PCDH15: variants seen among roughly 807,000 people sequenced by gnomAD.
PCDH15 encodes the protein protocadherin-15.
A neutral mutation model predicts 178.5 loss-of-function variants in PCDH15; 129 were observed. The observed-to-expected ratio is 0.72, with a 90% CI of 0.63 to 0.84. The LOEUF (loss-of-function observed/expected upper bound fraction) is 0.84. PCDH15 is among the 40% of genes least tolerant of loss of function. The pLI is 0.00. For synonymous variants in PCDH15, 800 were observed against 732.0 expected (o/e 1.09, Z -1.50); for missense variants, 2,230 against 2,099.9 (o/e 1.06, Z -1.21).
At chr10:55,235,202 G>A (rs2132203862) in intron 1 of PCDH15, among the ~76,000 whole-genome samples, 1 of 152,064 alleles carries the variant, frequency 6.6e-6, no homozygotes, top group Middle Eastern at 3.4e-3. Flanking sequence ...TTATACATGG[G>A]TAAGTCAAAC....
intron 25 of PCDH15, among the ~76,000 whole-genome samples, chr10:53,936,395 T>G (rs944932552): frequency 2.0e-5 from 3 of 152,152 alleles, no homozygotes; most frequent in Admixed American, 6.5e-5. Context: ...CCTTAAGATA[T>G]ACATATCAAA....
At chr10:54,225,899 A>G (rs1012976464) in intron 9 of PCDH15, among the ~76,000 whole-genome samples, 38 of 152,216 alleles carry the variant, frequency 2.5e-4, no homozygotes, top group African/African-American at 8.7e-4. Flanking sequence ...AGGGACAAGC[A>G]AGGAATCTTG....
At position 54,195,888 on chromosome 10, in the gene PCDH15, G is replaced by A. The variant is rs761337688; in HGVS notation, c.1100C>T (p.Ala367Val). 2.5e-6 allele frequency: 4 copies of A among 1,612,520 alleles called. No individual in the cohort carries two copies. In the South Asian group the frequency reaches 3.3e-5, roughly 13 times the overall value. Residue 367 changes from alanine (A) to valine (V), a missense_variant and splice_region_variant, in exon 11 of 38, where the codon GCT becomes GTT. Ala to Val is a moderately conservative substitution (Grantham distance 64, BLOSUM62 0). Coordinates refer to ENST00000644397, the MANE Select transcript of PCDH15 (RefSeq NM_001384140.1). ...FHQKFDLVIKAEQDNGHPLPA... is the reference protein window; with the variant it reads ...FHQKFDLVIKVEQDNGHPLPA... Reference sequence around the variant, plus strand: ...AAGAGGATGACCATTGTCTTGTTCAGCCTAAAATTGAAAAGAAAAGAAAAT... The same window carrying A: ...AAGAGGATGACCATTGTCTTGTTCAACCTAAAATTGAAAAGAAAAGAAAAT...
chr10:55,100,192 T>C (rs971284036), intron 2 of PCDH15, among the ~76,000 whole-genome samples: 13 of 152,244 alleles, frequency 8.5e-5, no homozygotes, highest in African/African-American at 3.1e-4. Flanking sequence ...TCAGAAAGTT[T>C]TATGCAAAAG....
intron 2 of PCDH15, among the ~76,000 whole-genome samples, chr10:55,597,403 C>T (rs2132138490): frequency 6.6e-6 from 1 of 152,168 alleles, no homozygotes; most frequent in South Asian, 2.1e-4. Context: ...GGTACCCTTG[C>T]CGACCCCCAG....
At chr10:54,641,334 T>A (rs1399141961) in intron 2 of PCDH15, among the ~76,000 whole-genome samples, 1 of 152,144 alleles carries the variant, frequency 6.6e-6, no homozygotes, top group East Asian at 1.9e-4. Context: ...CAATCACCAC[T>A]TATTCAGGAA....
intron 8 of PCDH15, among the ~76,000 whole-genome samples, chr10:54,247,944 A>T (rs1221826958): frequency 6.8e-6 from 1 of 146,736 alleles, no homozygotes; most frequent in Non-Finnish European, 1.5e-5. Flanking sequence ...GAATATATAT[A>T]TATATATATA....
At chr10:54,116,256 C>G (rs867379018) in intron 15 of PCDH15, among the ~76,000 whole-genome samples, 319 of 141,132 alleles carry the variant, frequency 2.3e-3, no homozygotes, top group African/African-American at 7.6e-3. Flanking sequence ...AAAAAAAAAG[C>G]CATTTGAGTG....
chr10:53,867,266 C>T (rs2079527064), intron 26 of PCDH15, among the ~76,000 whole-genome samples: 1 of 151,872 alleles, frequency 6.6e-6, no homozygotes, highest in Non-Finnish European at 1.5e-5. Flanking sequence ...CTGTTCCTGG[C>T]TTATTTCATG....
chr10:55,493,270 G>C lies in PCDH15; in HGVS notation c.-156+134355C>G, dbSNP rs114456633. Among the ~76,000 whole-genome samples, 540 of 150,334 alleles carry C rather than the reference G, an allele frequency of 3.6e-3. 6 individuals are homozygous for C. Among genetic ancestry groups the C allele is most frequent in the African/African-American group, 0.013 (518 of 41,080 alleles). ...AGTCATATTGTTAAAAAAAAAAAAA[G>C]CTAGGTGGGGCATGGTCGCTCATGC... On this transcript the variant is annotated intron_variant, in intron 2 of 5. Coordinates refer to the PCDH15 transcript ENST00000613346.
At chr10:55,403,761 C>T (rs892025997) in intron 2 of PCDH15, among the ~76,000 whole-genome samples, 1 of 151,964 alleles carries the variant, frequency 6.6e-6, no homozygotes, top group Non-Finnish European at 1.5e-5. Context: ...AGTATGATGC[C>T]CCATTTCTGT....
intron 5 of PCDH15, among the ~76,000 whole-genome samples, chr10:54,359,957 C>G (rs1283433338): frequency 6.6e-6 from 1 of 152,020 alleles, no homozygotes; most frequent in Non-Finnish European, 1.5e-5. Flanking sequence ...TATGCAATTA[C>G]TAATTAAATC....
At chr10:54,792,547 C>T (rs567534484) in intron 1 of PCDH15, among the ~76,000 whole-genome samples, 17 of 152,000 alleles carry the variant, frequency 1.1e-4, no homozygotes, top group Non-Finnish European at 1.9e-4. Flanking sequence ...AGTGTGGATG[C>T]GCTTTATCTA....
At chr10:53,929,493 G>A (rs2084852375) in intron 25 of PCDH15, among the ~76,000 whole-genome samples, 1 of 151,936 alleles carries the variant, frequency 6.6e-6, no homozygotes, top group Admixed American at 6.5e-5. Flanking sequence ...ATAAATATAA[G>A]GCTATGATCA....
chr10:54,442,390 T>A (rs1362530050), intron 3 of PCDH15, among the ~76,000 whole-genome samples: 542 of 26,596 alleles, frequency 0.02, 24 homozygotes, highest in Non-Finnish European at 0.033. Flanking sequence ...CCTTTTTTTT[T>A]AAAAAAAAAA....
chr10:54,252,724 C>T (rs531147557), intron 8 of PCDH15, among the ~76,000 whole-genome samples: 7 of 151,954 alleles, frequency 4.6e-5, no homozygotes, highest in Non-Finnish European at 1.0e-4. Flanking sequence ...ATTCATATAT[C>T]AGATTAGACC....
chr10:54,545,571 G>A (rs2085754040), intron 2 of PCDH15, among the ~76,000 whole-genome samples: 1 of 151,882 alleles, frequency 6.6e-6, no homozygotes, highest in African/African-American at 2.4e-5. Flanking sequence ...AGGAAGGAGG[G>A]AAGGAAGGAA....
At chr10:54,446,485 AC>A (rs375164475) in intron 3 of PCDH15, among the ~76,000 whole-genome samples, 1 of 151,398 alleles carries the variant, frequency 6.6e-6, no homozygotes. Context: ...AACTGTATTG[AC>A]CTTTTTCCTC....
At chr10:54,977,461 A>T (rs1839102368) in intron 2 of PCDH15, among the ~76,000 whole-genome samples, 1 of 152,132 alleles carries the variant, frequency 6.6e-6, no homozygotes, top group Admixed American at 6.6e-5. Flanking sequence ...AGTGCCATGA[A>T]AGTTTACAAA....
Sources: gnomAD v4.1 joint callset for allele counts (sites outside exome capture counted in the v4.1 genomes callset) on GRCh38, gnomAD v4.1.1 for gene constraint, MANE v1.5 for transcripts, NCBI Gene and HGNC (gene_info 2026-07-23, HGNC 2026-07-21) for gene names.